Variants in DACH2 observed in about 807,000 individuals in gnomAD.
The protein encoded by DACH2 is dachshund homolog 2.
A neutral mutation model predicts 35.8 loss-of-function variants in DACH2; 17 were observed. The observed-to-expected ratio is 0.48, with a 90% confidence interval of 0.33 to 0.71. The LOEUF is 0.71. Ranked by LOEUF, DACH2 falls within the 30% of genes least tolerant of loss-of-function variation. The pLI is 0.02. For synonymous variants in DACH2, 195 were observed against 177.3 expected (o/e 1.10, Z -0.79); for missense variants, 469 against 472.7 (o/e 0.99, Z 0.07).
At chrX:86,477,977 A>G (rs1205531611) in intron 2 of DACH2, among the ~76,000 whole-genome samples, 1 of 111,772 alleles carries the variant, frequency 8.9e-6, no homozygotes, top group Non-Finnish European at 1.9e-5. Flanking sequence ...GCAAAAACAA[A>G]ACTAATGAAA....
At chrX:86,320,587 G>A (rs1435488825) in intron 1 of DACH2, among the ~76,000 whole-genome samples, 1 of 112,147 alleles carries the variant, frequency 8.9e-6, no homozygotes, top group Non-Finnish European at 1.9e-5. Flanking sequence ...ATATTGTGTG[G>A]GGTGTAAACA....
chrX:86,748,809 T>C (rs138959350), intron 7 of DACH2, among the ~76,000 whole-genome samples: 3,598 of 111,652 alleles, frequency 0.032, 55 homozygotes, highest in Middle Eastern at 0.046. Context: ...CTAGCTATGA[T>C]AGTCCTAGAT....
At chrX:86,670,358 A>G (rs1191814243) in intron 4 of DACH2, among the ~76,000 whole-genome samples, 5 of 111,954 alleles carry the variant, frequency 4.5e-5, no homozygotes, top group Non-Finnish European at 9.4e-5. Context: ...TGTAGGACAT[A>G]CTGTTATTCT....
At chrX:86,581,523 T>G (rs1301722994) in intron 3 of DACH2, among the ~76,000 whole-genome samples, 1 of 110,877 alleles carries the variant, frequency 9.0e-6, no homozygotes, top group Non-Finnish European at 1.9e-5. Context: ...TAAATGGAGC[T>G]TGGAGAAAAC....
At chrX:86,652,689 A>G (rs1385945641) in intron 4 of DACH2, among the ~76,000 whole-genome samples, 1 of 112,028 alleles carries the variant, frequency 8.9e-6, no homozygotes, top group East Asian at 2.8e-4. Context: ...GCATTTCTCT[A>G]ATAATCAATG....
intron 3 of DACH2, among the ~76,000 whole-genome samples, chrX:86,640,973 T>G (rs2040339121): frequency 8.9e-6 from 1 of 112,166 alleles, no homozygotes. Context: ...TACACTGCAA[T>G]TAAAGGAACA....
At chrX:86,470,221 T>C (rs900852818) in intron 2 of DACH2, among the ~76,000 whole-genome samples, 13 of 111,883 alleles carry the variant, frequency 1.2e-4, no homozygotes, top group African/African-American at 3.6e-4. Context: ...AAAATACTTA[T>C]TGTCATTCTT....
intron 7 of DACH2, among the ~76,000 whole-genome samples, chrX:86,746,011 C>A (rs2041708563): frequency 9.0e-6 from 1 of 111,631 alleles, no homozygotes; most frequent in African/African-American, 3.2e-5. Flanking sequence ...TTTTTACATG[C>A]TGCTGGCTAT....
chrX:86,516,510 C>A (rs2038469457), intron 3 of DACH2, among the ~76,000 whole-genome samples: 1 of 111,075 alleles, frequency 9.0e-6, no homozygotes, highest in Non-Finnish European at 1.9e-5. Context: ...ACAATGACTT[C>A]ATTTTTAAGG....
chrX:86,500,593 C>G (rs1167158947), intron 2 of DACH2, among the ~76,000 whole-genome samples: 1 of 111,674 alleles, frequency 9.0e-6, no homozygotes, highest in African/African-American at 3.3e-5. Flanking sequence ...TGCAATTTAT[C>G]TGGAACACAA....
intron 6 of DACH2, among the ~76,000 whole-genome samples, chrX:86,719,156 G>A (rs1056779958): frequency 8.9e-6 from 1 of 111,885 alleles, no homozygotes; most frequent in African/African-American, 3.2e-5. Context: ...TTTCACCAGT[G>A]TTTTGTAGTT....
At chrX:86,814,561 T>A (rs2147352750) in intron 9 of DACH2, 127 bp from the exon 10 acceptor site, 1 of 693,839 alleles carries the variant, frequency 1.4e-6, no homozygotes, top group Admixed American at 3.8e-5. Context: ...AGAACGCTAA[T>A]CATATGTCAA....
chrX:86,149,493 A>G (rs908561608), intron 1 of DACH2, among the ~76,000 whole-genome samples: 1 of 112,000 alleles, frequency 8.9e-6, no homozygotes, highest in African/African-American at 3.2e-5. Context: ...GAACACGGAT[A>G]CCAAGGGCTT....
In DACH2 at chrX:86,668,511, C is replaced by A. The variant is rs148743944; in HGVS notation, c.772+17344C>A. Among the ~76,000 whole-genome samples, 26 of 111,958 alleles carry A rather than the reference C, an allele frequency of 2.3e-4. 1 individual carries two copies. The East Asian group carries it at 6.7e-3, about 29-fold the overall frequency. On this transcript the variant is annotated intron_variant, in intron 4 of 11. Transcript: ENST00000373125. The stretch of plus-strand genomic sequence containing the variant: ...TCATTTTTCCCCTATCTTCTTACAG[C>A]AGCATTAATGGAAATGTATTTTGTT...
chrX:86,163,786 G>A (rs1218930262), intron 1 of DACH2, among the ~76,000 whole-genome samples: 4 of 111,395 alleles, frequency 3.6e-5, no homozygotes, highest in Middle Eastern at 4.6e-3. Flanking sequence ...ATAATATTCC[G>A]TGGTGTATAT....
At chrX:86,160,112 ATTG>A (rs1346439827) in intron 1 of DACH2, among the ~76,000 whole-genome samples, 8 of 111,636 alleles carry the variant, frequency 7.2e-5, no homozygotes, top group African/African-American at 2.6e-4. Flanking sequence ...TTTACAATGC[ATTG>A]TTATCATTAA....
chrX:86,722,551 A>G (rs894037835), intron 6 of DACH2, among the ~76,000 whole-genome samples: 1 of 108,688 alleles, frequency 9.2e-6, no homozygotes, highest in East Asian at 2.9e-4. Context: ...TTGTAGAGGT[A>G]GTTGTCTTAC....
At chrX:86,502,159 A>G (rs1363473503) in intron 2 of DACH2, among the ~76,000 whole-genome samples, 7 of 111,407 alleles carry the variant, frequency 6.3e-5, no homozygotes, top group African/African-American at 2.3e-4. Flanking sequence ...AAGAGTCTGG[A>G]CAAGTAGCTA....
chrX:86,816,755 T>G (rs1464521373), intron 11 of DACH2, among the ~76,000 whole-genome samples: 1 of 112,199 alleles, frequency 8.9e-6, no homozygotes, highest in Non-Finnish European at 1.9e-5. Context: ...AAAAATGAGT[T>G]AAATGTGACC....
Sources: gnomAD v4.1 joint callset for allele counts (sites outside exome capture counted in the v4.1 genomes callset) on GRCh38, gnomAD v4.1.1 for gene constraint, MANE v1.5 for transcripts, NCBI Gene and HGNC (gene_info 2026-07-23, HGNC 2026-07-21) for gene names.